DEPDC4: variants seen among roughly 807,000 people sequenced by gnomAD.
DEPDC4 encodes the protein DEP domain-containing protein 4.
In DEPDC4, 52 loss-of-function variants were observed where a neutral mutation model predicts 52.0. The ratio of observed to expected loss-of-function variants is 1.00; its 90% confidence interval spans 0.80 to 1.26. The LOEUF is 1.26. DEPDC4 is among the 50% of genes most tolerant of loss of function. The pLI is 0.00. For missense variants in DEPDC4, 530 were observed against 546.9 expected (o/e 0.97, Z 0.31); for synonymous variants, 201 against 196.8 (o/e 1.02, Z -0.18).
At chr12:100,277,744 A>G in the DEPDC4 span, among the ~76,000 whole-genome samples, 1 of 151,886 alleles carries the variant, frequency 6.6e-6, no homozygotes, top group Non-Finnish European at 1.5e-5. Flanking sequence ...CCATCTTGCT[A>G]TTTATTTTGT....
chr12:100,268,701 A>G (rs1427016720), upstream of DEPDC4, among the ~76,000 whole-genome samples: 1 of 152,158 alleles, frequency 6.6e-6, no homozygotes, highest in Non-Finnish European at 1.5e-5. Context: ...AGACAGATCA[A>G]CCCTGTTACT....
At chr12:100,270,594 G>GTA (rs2135784254), upstream of DEPDC4, among the ~76,000 whole-genome samples, 2 of 148,248 alleles carry the variant, frequency 1.3e-5, no homozygotes, top group South Asian at 4.3e-4. Context: ...ATATTTAAGC[G>GTA]TATGTTGCCT....
chr12:100,243,893 T>C (rs1486695838), intron 8 of DEPDC4, among the ~76,000 whole-genome samples: 1 of 151,788 alleles, frequency 6.6e-6, no homozygotes, highest in Non-Finnish European at 1.5e-5. Flanking sequence ...GATCTTCCAA[T>C]ACATGGAACC....
At chr12:100,281,661 G>A in the DEPDC4 span, among the ~76,000 whole-genome samples, 2 of 152,094 alleles carry the variant, frequency 1.3e-5, no homozygotes, top group South Asian at 4.1e-4. Flanking sequence ...GTGAAACCCT[G>A]TCACTACTAG....
At chr12:100,252,694 C>T (rs2096213311) in intron 5 of DEPDC4, among the ~76,000 whole-genome samples, 158 bp from the exon 6 acceptor site, 1 of 152,178 alleles carries the variant, frequency 6.6e-6, no homozygotes, top group Admixed American at 6.5e-5. Context: ...TTCAAACACA[C>T]AGGAAATTAT....
intron 3 of DEPDC4, among the ~76,000 whole-genome samples, chr12:100,256,578 C>T (rs1460252629): frequency 6.6e-6 from 1 of 151,118 alleles, no homozygotes; most frequent in Non-Finnish European, 1.5e-5. Context: ...AATTATTTAT[C>T]TTTCTATTTA....
downstream of DEPDC4, among the ~76,000 whole-genome samples, chr12:100,235,799 C>G (rs2096140517): frequency 6.6e-6 from 1 of 152,144 alleles, no homozygotes; most frequent in African/African-American, 2.4e-5. Flanking sequence ...GTCTTGAACT[C>G]CTGACCTTAG....
downstream of DEPDC4, among the ~76,000 whole-genome samples, chr12:100,237,565 T>C (rs1331424679): frequency 2.6e-5 from 4 of 152,156 alleles, no homozygotes; most frequent in Admixed American, 2.6e-4. Flanking sequence ...TAATGGAAAT[T>C]GCATTGAATT....
At chr12:100,238,697 G>A (rs146819154), downstream of DEPDC4, among the ~76,000 whole-genome samples, 1 of 151,716 alleles carries the variant, frequency 6.6e-6, no homozygotes, top group East Asian at 2.0e-4. Context: ...TGTTGTGCAG[G>A]CTGGTCTTGG....
At position 100,266,944 on chromosome 12, in the gene DEPDC4, C is replaced by G. The variant is rs1477893509; in HGVS notation, c.133G>C (p.Gly45Arg). The G allele has an allele frequency of 1.9e-6, 3 of 1,613,728 alleles. No individual in the cohort carries two copies. In the Admixed American group the frequency reaches 5.0e-5, roughly 27 times the overall value. The stretch of plus-strand genomic sequence containing the variant: ...CCTGTCCTCCTTTTCCGGCAGAAGC[C>G]ATCTCTACGGTTCCTGGAACTTGGC... The part of the protein sequence containing the change: ...NGPSSRNRRD[G>R]FCRKRRTGCS... The change falls in exon 1 of 10, where the codon GGC becomes CGC. Residue 45 changes from glycine (G) to arginine (R), a missense_variant. Physicochemically the swap from Gly to Arg is moderately radical, Grantham distance 125. Coordinates refer to ENST00000550587, the MANE Select transcript of DEPDC4 (RefSeq NM_001364818.2).
chr12:100,258,622 C>T (rs895150119), intron 3 of DEPDC4, among the ~76,000 whole-genome samples: 15 of 152,016 alleles, frequency 9.9e-5, no homozygotes, highest in Non-Finnish European at 2.1e-4. Flanking sequence ...TTTTTCCTTC[C>T]TTCATATCAC....
chr12:100,249,109 G>A, intron 7 of DEPDC4, 131 bp from the exon 8 acceptor site: 1 of 203,152 alleles, frequency 4.9e-6, no homozygotes, highest in Non-Finnish European at 8.7e-6. Flanking sequence ...GAGTGGAAAG[G>A]GTGGGTGGTA....
intron 3 of DEPDC4, among the ~76,000 whole-genome samples, chr12:100,259,081 A>AAAAATAT (rs543577636): frequency 4.7e-5 from 7 of 149,090 alleles, no homozygotes; most frequent in African/African-American, 1.8e-4. Flanking sequence ...AAAAAAAAAA[A>AAAAATAT]ATATATATAT....
chr12:100,235,065 G>GTGTGTA (rs1555309081), downstream of DEPDC4, among the ~76,000 whole-genome samples: 1 of 149,592 alleles, frequency 6.7e-6, no homozygotes. Context: ...GTATGTGTGT[G>GTGTGTA]TATATATATA....
At chr12:100,238,888 A>C (rs2096147893), downstream of DEPDC4, among the ~76,000 whole-genome samples, 1 of 152,234 alleles carries the variant, frequency 6.6e-6, no homozygotes, top group South Asian at 2.1e-4. Flanking sequence ...AAAGACTTTT[A>C]GATTCTTGAA....
At chr12:100,236,131 T>C (rs1451003833), downstream of DEPDC4, among the ~76,000 whole-genome samples, 1 of 152,222 alleles carries the variant, frequency 6.6e-6, no homozygotes, top group Non-Finnish European at 1.5e-5. Context: ...TTTGCAATTG[T>C]GAATTGTGGT....
chr12:100,244,134 T>TATATACACAC (rs1403751762), intron 8 of DEPDC4, among the ~76,000 whole-genome samples: 6 of 121,794 alleles, frequency 4.9e-5, no homozygotes, highest in Admixed American at 9.0e-5. Flanking sequence ...TATATATATA[T>TATATACACAC]ACACAAAATA....
downstream of DEPDC4, chr12:100,237,948 G>A (rs1008025541): frequency 4.8e-5 from 16 of 335,838 alleles, no homozygotes; most frequent in Non-Finnish European, 6.7e-5. Context: ...CATTCATAGT[G>A]ATGACTAGCA....
rs61744210 is a variant in DEPDC4, at chr12:100,263,691, C to A, written c.360G>T (p.Gly120=). The change falls in exon 2 of 10, where the codon GGG becomes GGT. Residue 120 remains glycine (G), a synonymous_variant. Coordinates refer to ENST00000550587, the MANE Select transcript of DEPDC4 (RefSeq NM_001364818.2). ...LSSNDISCLK[G]VHLCQVLMNH... is the part of the protein sequence containing the mutation. Reference sequence around the variant, plus strand: ...TCATTAGAACTTGGCAAAGATGAACCCCTTTAAGACAAGAGATGTCATTGC... The same window carrying A: ...TCATTAGAACTTGGCAAAGATGAACACCTTTAAGACAAGAGATGTCATTGC... 4,254 of 1,613,948 alleles carry A rather than the reference C, an allele frequency of 2.6e-3. 29 individuals carry two copies. Among genetic ancestry groups the A allele is most frequent in the South Asian group, 0.011 (957 of 91,064 alleles).
Sources: gnomAD v4.1 joint callset for allele counts (sites outside exome capture counted in the v4.1 genomes callset) on GRCh38, gnomAD v4.1.1 for gene constraint, MANE v1.5 for transcripts, NCBI Gene and HGNC (gene_info 2026-07-23, HGNC 2026-07-21) for gene names.